The following IGF2R variants were observed in gnomAD, a reference collection of about 807,000 sequenced individuals.
IGF2R encodes the protein cation-independent mannose-6-phosphate receptor.
Under a neutral mutation model 270.6 loss-of-function variants are expected in IGF2R, and 91 were observed. The ratio of observed to expected loss-of-function variants is 0.34; its 90% CI spans 0.28 to 0.40. The LOEUF (loss-of-function observed/expected upper bound fraction) is 0.40, where lower values mean the gene tolerates loss of function less well. Ranked by LOEUF, IGF2R falls within the 10% of genes least tolerant of loss-of-function variation. IGF2R has a pLI of 1.00. For missense variants in IGF2R, 2,805 were observed against 3,188.3 expected, an observed-to-expected ratio of 0.88 and a Z score of 2.90; for synonymous variants, 1,316 against 1,258.9, an observed-to-expected ratio of 1.05 and a Z score of -0.96.
In IGF2R at chr6:160,047,194, C is replaced by T. The variant is rs754988891; in HGVS notation, c.2087C>T (p.Ala696Val). Residue 696 changes from alanine to valine, a missense_variant, in exon 16 of 48, where the codon GCG (alanine) becomes GTG (valine). Transcript: ENST00000356956. ...EKTWNLGLSN[A>V]KLSYYDGMIQ... ...ACTTGGAACTTGGGTCTGAGTAATGCGAAGCTTTCATATTATGATGGGATG... is the reference window on the plus strand; with the variant it reads ...ACTTGGAACTTGGGTCTGAGTAATGTGAAGCTTTCATATTATGATGGGATG... 1.1e-5 allele frequency: 18 copies of T among 1,613,934 alleles called. No homozygotes were observed. In the Admixed American group the frequency reaches 2.0e-4, roughly 18 times the overall value.
chr6:160,076,062 A>G (rs927800325), intron 36 of IGF2R, 66 bp downstream of exon 36: 7 of 1,488,194 alleles, frequency 4.7e-6, no homozygotes, highest in Non-Finnish European at 1.9e-6. Flanking sequence ...CTAGACAACC[A>G]GAAAGTGCGT....
intron 42 of IGF2R, 147 bp from the exon 43 acceptor site, chr6:160,088,960 G>T: frequency 1.4e-6 from 1 of 717,850 alleles, no homozygotes; most frequent in Non-Finnish European, 2.2e-6. Context: ...CCGGGGAGTG[G>T]GGGCCTCGGG....
rs766051393 is a variant in IGF2R, at chr6:160,104,837, A to G, written c.7229A>G (p.Glu2410Gly). ...SSLHGDDQDSEDEVLTIPEVK... is the reference protein window; with the variant it reads ...SSLHGDDQDSGDEVLTIPEVK... ...CTGCATGGGGATGACCAGGACAGTG[A>G]GGATGAGGTTCTGACCATCCCAGAG... Residue 2410 changes from glutamate (E) to glycine (G), a missense_variant, in exon 48 of 48, where the codon GAG (glutamate) becomes GGG (glycine). This residue lies in a region of IGF2R where 1,851 missense variants were observed against 2,207.2 expected (regional missense o/e 0.84). Coordinates refer to ENST00000356956, the MANE Select transcript of IGF2R (RefSeq NM_000876.4). The G allele has an allele frequency of 1.2e-5, 19 of 1,614,068 alleles. No homozygotes were observed. Among genetic ancestry groups the G allele is most frequent in the Non-Finnish European group, 1.6e-5 (19 of 1,180,038 alleles).
intron 1 of IGF2R, among the ~76,000 whole-genome samples, chr6:159,974,578 T>A (rs1298697274): frequency 6.6e-6 from 1 of 152,218 alleles, no homozygotes; most frequent in Non-Finnish European, 1.5e-5. Context: ...TTTTGGTAGC[T>A]TGAGAAATCA....
rs1343711225 is a variant in IGF2R, at chr6:159,980,198, A to AG, written c.149+10804dup. Reference sequence around the variant, plus strand: ...TCCGTCTCAAAAAAGAAAGAAAGAAAGAAAGAAAGAAAGAAAGAAAGAAAG... The same window carrying AG: ...TCCGTCTCAAAAAAGAAAGAAAGAAAGGAAAGAAAGAAAGAAAGAAAGAAAG... On this transcript the variant is annotated intron_variant, in intron 1 of 47. Transcript: ENST00000356956. Among the ~76,000 whole-genome samples the AG allele has an allele frequency of 1.8e-3, 150 of 83,350 alleles. 7 individuals are homozygous for AG. Among genetic ancestry groups the AG allele is most frequent in the African/African-American group, 6.7e-3 (124 of 18,394 alleles). 54.7% of individuals were successfully genotyped at this position (83,350 alleles called of 152,430 possible). A position where few individuals can be genotyped will look rare whatever the true frequency, so the allele number is the denominator to read the frequency against.
chr6:159,976,963 T>A (rs1330350084), intron 1 of IGF2R, among the ~76,000 whole-genome samples: 1 of 152,218 alleles, frequency 6.6e-6, no homozygotes, highest in African/African-American at 2.4e-5. Flanking sequence ...GTTTGTCTGT[T>A]GCTTTTATTA....
At chr6:160,078,066 C>T (rs1778892563) in intron 36 of IGF2R, 135 bp from the exon 37 acceptor site, 1 of 798,210 alleles carries the variant, frequency 1.3e-6, no homozygotes, top group East Asian at 2.5e-5. Context: ...GGTCTTTCAG[C>T]TGCTGTTGTC....
At position 160,061,495 on chromosome 6, in the gene IGF2R, T is replaced by C; in HGVS notation, c.3263-8T>C. ...AGTTCTCCAGCGTGGTTTTTTGTTG[T>C]GTTTCAGACCTGGCTGGAAATGAGT... On this transcript the variant is annotated splice_polypyrimidine_tract_variant and splice_region_variant and intron_variant, in intron 23 of 47. Coordinates refer to ENST00000356956, the MANE Select transcript of IGF2R (RefSeq NM_000876.4). 1 of 1,612,726 alleles carries C rather than the reference T, an allele frequency of 6.2e-7. No homozygotes were observed. Among genetic ancestry groups the C allele is most frequent in the East Asian group, 2.2e-5 (1 of 44,878 alleles).
chr6:160,044,664 A>T lies in IGF2R; in HGVS notation c.1765+7A>T, dbSNP rs768444193. The T allele has an allele frequency of 3.8e-5, 61 of 1,593,480 alleles. No homozygotes were observed. In the South Asian group the frequency reaches 6.9e-4, roughly 18 times the overall value. ...ACACTTGTATGCAAGCCAGGTAAAA[A>T]TTTTAAAAAAGATGAAATCTTTTCT... On this transcript the variant is annotated splice_region_variant and intron_variant, in intron 13 of 47. Coordinates refer to ENST00000356956, the MANE Select transcript of IGF2R (RefSeq NM_000876.4).
intron 4 of IGF2R, among the ~76,000 whole-genome samples, chr6:160,017,654 G>A (rs999804541): frequency 6.6e-6 from 1 of 152,058 alleles, no homozygotes; most frequent in Non-Finnish European, 1.5e-5. Context: ...AACTAATAGG[G>A]GACTTCTCAG....
chr6:160,032,789 C>A, intron 8 of IGF2R, 76 bp downstream of exon 8: 1 of 1,495,622 alleles, frequency 6.7e-7, no homozygotes, highest in Non-Finnish European at 9.1e-7. Flanking sequence ...CAGTAGGGGC[C>A]AAGTCAGTCC....
At chr6:160,069,793 T>C (rs1778674604) in intron 30 of IGF2R, 75 bp from the exon 31 acceptor site, 10 of 1,379,620 alleles carry the variant, frequency 7.2e-6, no homozygotes, top group East Asian at 2.3e-5. Flanking sequence ...GTGTGTGACA[T>C]TTATTGCCTG....
intron 26 of IGF2R, among the ~76,000 whole-genome samples, 156 bp downstream of exon 26, chr6:160,062,775 T>C (rs1475573221): frequency 6.6e-6 from 1 of 152,094 alleles, no homozygotes; most frequent in Non-Finnish European, 1.5e-5. Flanking sequence ...TGAGCTTTTT[T>C]TTTTACTGAA....
rs192377949 is a variant in IGF2R at position 160,079,938 on chromosome 6, C to T, written c.5686+151C>T. On this transcript the variant is annotated intron_variant, in intron 38 of 47. Coordinates refer to ENST00000356956, the MANE Select transcript of IGF2R (RefSeq NM_000876.4). ...ATGTGAGCTGTTCCTCTGTACACCC[C>T]CGGTGTGAATGCTGGTGTGTGAATC... 3.9e-5 allele frequency: 38 copies of T among 984,626 alleles called. No homozygotes were observed. The East Asian group carries it at 8.1e-4, about 21-fold the overall frequency. The allele number at this position is 984,626 out of a possible 1,614,324, so 61.0% of individuals were successfully genotyped here.
intron 1 of IGF2R, among the ~76,000 whole-genome samples, chr6:159,972,037 C>T (rs2115163859): frequency 6.6e-6 from 1 of 152,230 alleles, no homozygotes; most frequent in South Asian, 2.1e-4. Flanking sequence ...TATCAGTCAT[C>T]TGTACTTTTA....
chr6:160,002,099 A>G (rs1467985568), intron 2 of IGF2R, among the ~76,000 whole-genome samples: 2 of 152,228 alleles, frequency 1.3e-5, no homozygotes, highest in African/African-American at 4.8e-5. Flanking sequence ...AGAAAATATT[A>G]AGAAAATCAG....
chr6:160,041,421 G>A (rs570612264), intron 11 of IGF2R, among the ~76,000 whole-genome samples: 237 of 152,160 alleles, frequency 1.6e-3, no homozygotes, highest in African/African-American at 5.6e-3. Context: ...TCGTAAGTGG[G>A]AGTTGAACAT....
chr6:159,991,138 T>C (rs1303640648), intron 1 of IGF2R, 46 bp from the exon 2 acceptor site: 1 of 1,558,918 alleles, frequency 6.4e-7, no homozygotes, highest in Non-Finnish European at 8.7e-7. Flanking sequence ...AAGTTTAATT[T>C]TTGATAAATC....
intron 5 of IGF2R, among the ~76,000 whole-genome samples, chr6:160,025,934 C>T (rs750985123): frequency 6.6e-6 from 1 of 152,128 alleles, no homozygotes; most frequent in Non-Finnish European, 1.5e-5. Flanking sequence ...TTTTTTCTTT[C>T]CAATTTATTG....
Sources: gnomAD v4.1 joint callset for allele counts (sites outside exome capture counted in the v4.1 genomes callset) on GRCh38, gnomAD v4.1.1 for gene constraint, gnomAD v4.1.1 regional missense constraint, MANE v1.5 for transcripts, NCBI Gene and HGNC (gene_info 2026-07-23, HGNC 2026-07-21) for gene names.